The following KDM2A variants were observed in gnomAD, a reference collection of about 807,000 sequenced individuals.
KDM2A encodes lysine-specific demethylase 2A.
Under a neutral mutation model 137.3 loss-of-function variants are expected in KDM2A, and 3 were observed. The ratio of observed to expected loss-of-function variants is 0.02; its 90% CI spans 0.01 to 0.06. KDM2A has a LOEUF of 0.06. KDM2A is among the 10% of genes least tolerant of loss of function. The probability of loss-of-function intolerance (pLI) is 1.00; values close to 1 mark genes in which losing one functional copy is unlikely to be tolerated. For synonymous variants in KDM2A, 512 were observed against 541.5 expected (o/e 0.95, Z 0.76); for missense variants, 738 against 1,510.6 (o/e 0.49, Z 8.48).
chr11:67,176,827 T>C lies in KDM2A; in HGVS notation c.43-3252T>C, dbSNP rs536343650. Among the ~76,000 whole-genome samples the C allele has an allele frequency of 2.0e-4, 31 of 152,324 alleles. No individual in the cohort carries two copies. The East Asian group carries it at 6.0e-3, about 29-fold the overall frequency. ...TGGTATACCTGTATAGGGCACTTCTTGTGATGGGTTTTGCAGGACTGAAAG... is the reference window on the plus strand; with the variant it reads ...TGGTATACCTGTATAGGGCACTTCTCGTGATGGGTTTTGCAGGACTGAAAG... On this transcript the variant is annotated intron_variant, in intron 2 of 20. Coordinates refer to ENST00000529006, the MANE Select transcript of KDM2A (RefSeq NM_012308.3).
At chr11:67,196,031 C>G in intron 5 of KDM2A, 1 of 411,844 alleles carries the variant, frequency 2.4e-6, no homozygotes, top group Non-Finnish European at 4.9e-6. Flanking sequence ...ATTTCTCTCA[C>G]TTAGATGTAA....
intron 5 of KDM2A, chr11:67,196,673 AC>A: frequency 3.1e-6 from 1 of 325,432 alleles, no homozygotes; most frequent in African/African-American, 2.2e-5. Context: ...ATATAGAGTA[AC>A]CAAAATCATG....
chr11:67,245,137 T>C lies in KDM2A; in HGVS notation c.1564-52T>C. 2 of 1,589,684 alleles carry C rather than the reference T, an allele frequency of 1.3e-6. No individual in the cohort carries two copies. The highest frequency in any genetic ancestry group is 1.7e-6 in the Non-Finnish European group (2 of 1,167,266). On this transcript the variant is annotated intron_variant, in intron 13 of 20. Transcript: ENST00000529006. This position sits in a 1 kb window ranked among gnomAD's most constrained non-coding sequence, Gnocchi z 4.1. ...TGCTACCATGTAATCTTCTACCCTA[T>C]CCAGTCTTAAAGCAACCTGATATAT...
intron 6 of KDM2A, among the ~76,000 whole-genome samples, chr11:67,211,613 CAAAAA>C (rs377116306): frequency 4.0e-5 from 2 of 50,260 alleles, no homozygotes; most frequent in Admixed American, 4.1e-4. Context: ...GACCCTGTCT[CAAAAA>C]AAAAAAAAAA....
At chr11:67,121,606 A>G (rs1855599007) in intron 2 of KDM2A, among the ~76,000 whole-genome samples, 1 of 152,222 alleles carries the variant, frequency 6.6e-6, no homozygotes, top group East Asian at 1.9e-4. Context: ...AAACCATTGT[A>G]TACCAAAGGA....
intron 8 of KDM2A, among the ~76,000 whole-genome samples, chr11:67,216,314 A>G (rs1310744266): frequency 6.6e-6 from 1 of 152,218 alleles, no homozygotes; most frequent in Non-Finnish European, 1.5e-5. Context: ...GGATAGATTC[A>G]CTGTGAAATC....
chr11:67,188,230 G>A (rs1857255607), intron 5 of KDM2A, among the ~76,000 whole-genome samples: 1 of 151,824 alleles, frequency 6.6e-6, no homozygotes, highest in African/African-American at 2.4e-5. Flanking sequence ...TGTAATCCCA[G>A]CACTTGCCTT....
chr11:67,237,033 A>G (rs572801830), intron 12 of KDM2A, among the ~76,000 whole-genome samples: 1 of 152,352 alleles, frequency 6.6e-6, no homozygotes, highest in Admixed American at 6.5e-5. Context: ...GGCAGAGTCT[A>G]TCCTGAGGGA....
In KDM2A at chr11:67,158,752, G is replaced by A. The variant is rs114336034; in HGVS notation, c.43-21327G>A. On this transcript the variant is annotated intron_variant, in intron 2 of 20. Coordinates refer to ENST00000529006, the MANE Select transcript of KDM2A (RefSeq NM_012308.3). ...GATCCTTCTACCTTACATGCCCAAA[G>A]TGCTCGTATTATAGGCGTGAACCAC... is the stretch of plus-strand genomic sequence containing the variant. Among the ~76,000 whole-genome samples the A allele has an allele frequency of 2.2e-3, 339 of 152,184 alleles. 2 individuals carry two copies. The highest frequency in any genetic ancestry group is 7.7e-3 in the African/African-American group (318 of 41,528).
chr11:67,144,353 A>G (rs974493714), intron 2 of KDM2A, among the ~76,000 whole-genome samples: 1 of 150,142 alleles, frequency 6.7e-6, no homozygotes, highest in Non-Finnish European at 1.5e-5. Context: ...CCTGGGTTCA[A>G]CTGATTCTCC....
chr11:67,224,821 C>T (rs1037034184), intron 10 of KDM2A, among the ~76,000 whole-genome samples: 4 of 141,698 alleles, frequency 2.8e-5, no homozygotes, highest in African/African-American at 1.1e-4. Context: ...CACTTGGCAG[C>T]TGCAGCATTT....
chr11:67,170,825 A>G (rs561203074), intron 2 of KDM2A, among the ~76,000 whole-genome samples: 63 of 151,922 alleles, frequency 4.1e-4, no homozygotes, highest in African/African-American at 1.1e-3. Flanking sequence ...GTCCTTGACA[A>G]TTTCTTCCGG....
At chr11:67,226,375 G>A (rs1435694451) in intron 10 of KDM2A, among the ~76,000 whole-genome samples, 1 of 152,102 alleles carries the variant, frequency 6.6e-6, no homozygotes, top group Non-Finnish European at 1.5e-5. Context: ...TGTTAGTTTT[G>A]TTTAGAAATA....
At chr11:67,162,970 A>G (rs934820398) in intron 2 of KDM2A, among the ~76,000 whole-genome samples, 1 of 152,186 alleles carries the variant, frequency 6.6e-6, no homozygotes, top group Non-Finnish European at 1.5e-5. Context: ...CCAGCCTCCC[A>G]AAGCGTTGGG....
chr11:67,236,660 T>C (rs1858880590), intron 12 of KDM2A, among the ~76,000 whole-genome samples: 1 of 152,176 alleles, frequency 6.6e-6, no homozygotes, highest in Non-Finnish European at 1.5e-5. Context: ...TTTGGGTAAG[T>C]TACTAAATTT....
chr11:67,134,687 T>C (rs1212063331), intron 2 of KDM2A, among the ~76,000 whole-genome samples: 1 of 151,894 alleles, frequency 6.6e-6, no homozygotes, highest in African/African-American at 2.4e-5. Context: ...ATATTTTTAG[T>C]GGAGACAGGA....
intron 5 of KDM2A, among the ~76,000 whole-genome samples, chr11:67,199,561 TAAC>T (rs1372495375): frequency 1.3e-5 from 2 of 152,200 alleles, no homozygotes; most frequent in African/African-American, 4.8e-5. Flanking sequence ...AACATTCCCT[TAAC>T]AAACCCTAAG....
At chr11:67,199,173 C>G (rs956068174) in intron 5 of KDM2A, among the ~76,000 whole-genome samples, 1 of 152,142 alleles carries the variant, frequency 6.6e-6, no homozygotes, top group Admixed American at 6.6e-5. Context: ...TGTATATGTT[C>G]TGACTGCTTT....
chr11:67,148,941 A>C (rs1271143091), intron 2 of KDM2A: 1 of 152,188 alleles, frequency 6.6e-6, no homozygotes, highest in Non-Finnish European at 1.5e-5. Flanking sequence ...AGCATTACAG[A>C]TCTACTTAAA....
Sources: allele counts gnomAD v4.1 joint callset (sites outside exome capture counted in the v4.1 genomes callset), GRCh38; gene constraint gnomAD v4.1.1; non-coding constraint Gnocchi (gnomAD v3.1); transcripts MANE v1.5; gene names NCBI Gene and HGNC (gene_info 2026-07-23, HGNC 2026-07-21).